Variants in C16orf74 observed in about 807,000 individuals in gnomAD.
C16orf74 encodes the protein uncharacterized protein C16orf74.
C16orf74 carries 10 observed loss-of-function variants against 6.5 expected under a neutral mutation model. That is an observed-to-expected ratio of 1.54 (90% CI 0.95 to 2.61). The LOEUF (loss-of-function observed/expected upper bound fraction) is 2.61, where lower values mean the gene tolerates loss of function less well. Ranked by LOEUF, C16orf74 falls within the 30% of genes most tolerant of loss-of-function variation. The pLI, the probability that C16orf74 is intolerant of heterozygous loss-of-function variation, is 0.00. For synonymous variants in C16orf74, 60 were observed against 42.5 expected (o/e 1.41, Z -1.60); for missense variants, 141 against 105.9 (o/e 1.33, Z -1.45).
intron 2 of C16orf74, among the ~76,000 whole-genome samples, chr16:85,724,678 A>G (rs2054115674): frequency 6.6e-6 from 1 of 152,102 alleles, no homozygotes; most frequent in South Asian, 2.1e-4. Context: ...GGGGATGACG[A>G]GGATAATGGG....
chr16:85,748,148 ATATATATATATGTG>A (rs1567815516), intron 1 of C16orf74, among the ~76,000 whole-genome samples: 37 of 72,614 alleles, frequency 5.1e-4, no homozygotes, highest in Non-Finnish European at 4.1e-4. Flanking sequence ...ATGTGTGTGT[ATATATATATATGTG>A]TATATATATA....
At chr16:85,749,009 G>A (rs1207962717) in intron 1 of C16orf74, among the ~76,000 whole-genome samples, 1 of 149,536 alleles carries the variant, frequency 6.7e-6, no homozygotes, top group Non-Finnish European at 1.5e-5. Context: ...TCAAACTCCT[G>A]GCCTCAGGTG....
At position 85,747,716 on chromosome 16, in the gene C16orf74, T is replaced by C. The variant is rs2054389501; in HGVS notation, c.-19+3210A>G. ...ATGGCCTCAGGAGACCCAGAGAATA[T>C]GTGCCCAAGGTAGTTGGTCTACAGC... On this transcript the variant is annotated intron_variant, in intron 1 of 3. Coordinates refer to ENST00000284245, the MANE Select transcript of C16orf74 (RefSeq NM_206967.3). Among the ~76,000 whole-genome samples, 3 of 152,210 alleles carry C rather than the reference T, an allele frequency of 2.0e-5. No homozygotes were observed. The South Asian group carries it at 6.2e-4, about 31-fold the overall frequency.
intron 2 of C16orf74, among the ~76,000 whole-genome samples, chr16:85,731,818 G>C (rs974429192): frequency 6.6e-6 from 1 of 152,156 alleles, no homozygotes; most frequent in Non-Finnish European, 1.5e-5. Flanking sequence ...CTCCCAAGTG[G>C]CTGGGACTGC....
chr16:85,746,921 C>T (rs568290718), intron 1 of C16orf74, among the ~76,000 whole-genome samples: 2 of 152,354 alleles, frequency 1.3e-5, no homozygotes, highest in African/African-American at 4.8e-5. Context: ...ATACTGCAAG[C>T]ATTCATGTGC....
intron 1 of C16orf74, among the ~76,000 whole-genome samples, chr16:85,740,696 A>C (rs1598806403): frequency 1.3e-3 from 1 of 788 alleles, no homozygotes; most frequent in Non-Finnish European, 3.5e-3. Flanking sequence ...TGTTTCAAAA[A>C]AAAAAAAAAA....
intron 3 of C16orf74, among the ~76,000 whole-genome samples, chr16:85,709,555 C>T (rs1262721149): frequency 6.6e-6 from 1 of 151,692 alleles, no homozygotes; most frequent in Non-Finnish European, 1.5e-5. Context: ...CAGCACCCGG[C>T]ATAGGCCCAG....
intron 2 of C16orf74, 91 bp from the exon 3 acceptor site, chr16:85,710,398 C>T: frequency 7.7e-7 from 1 of 1,297,254 alleles, no homozygotes; most frequent in Non-Finnish European, 1.0e-6. Flanking sequence ...GCCACCCTCC[C>T]TTCACTATCA....
At chr16:85,743,247 C>T in intron 1 of C16orf74, 1 of 152,190 alleles carries the variant, frequency 6.6e-6, no homozygotes, top group East Asian at 1.9e-4. Flanking sequence ...AGAAGCCATA[C>T]AGTTGTCTAA....
At chr16:85,719,008 T>C (rs2054052521) in intron 2 of C16orf74, among the ~76,000 whole-genome samples, 1 of 152,212 alleles carries the variant, frequency 6.6e-6, no homozygotes, top group Admixed American at 6.5e-5. Context: ...CCTTATTCTA[T>C]GGGAATGGCC....
At chr16:85,744,630 A>G (rs2054349831) in intron 1 of C16orf74, among the ~76,000 whole-genome samples, 1 of 152,000 alleles carries the variant, frequency 6.6e-6, no homozygotes, top group Non-Finnish European at 1.5e-5. Flanking sequence ...GGAGATCGAG[A>G]CCATCCTGGC....
In C16orf74 at chr16:85,707,846, G is replaced by C; in HGVS notation, c.*162C>G. On this transcript the variant is annotated 3_prime_UTR_variant, in exon 4 of 4. Coordinates refer to ENST00000284245, the MANE Select transcript of C16orf74 (RefSeq NM_206967.3). The stretch of plus-strand genomic sequence containing the variant: ...ACACTGTTCTGGAAGTGGACAGGCT[G>C]GATTCCTCGCTGGTCCTGCCACGTC... 1 of 627,346 alleles carries C rather than the reference G, an allele frequency of 1.6e-6. No individual in the cohort carries two copies. Among genetic ancestry groups the C allele is most frequent in the Non-Finnish European group, 2.8e-6 (1 of 355,862 alleles). 38.9% of individuals were successfully genotyped at this position (627,346 alleles called of 1,614,324 possible). A position where few individuals can be genotyped will look rare whatever the true frequency, so the allele number is the denominator to read the frequency against.
At chr16:85,718,794 G>A (rs996640110) in intron 2 of C16orf74, among the ~76,000 whole-genome samples, 6 of 152,240 alleles carry the variant, frequency 3.9e-5, no homozygotes, top group Non-Finnish European at 7.3e-5. Flanking sequence ...TCCACATCAC[G>A]TGATTTGAAC....
chr16:85,740,145 G>A (rs1247231875), intron 1 of C16orf74, among the ~76,000 whole-genome samples: 1 of 144,692 alleles, frequency 6.9e-6, no homozygotes, highest in African/African-American at 2.6e-5. Context: ...AGGAGGCAGA[G>A]GTTGTAGGGA....
At chr16:85,730,019 T>A (rs2054171878) in intron 2 of C16orf74, among the ~76,000 whole-genome samples, 1 of 152,016 alleles carries the variant, frequency 6.6e-6, no homozygotes, top group African/African-American at 2.4e-5. Context: ...GCCAGCCAAG[T>A]CGGGTGCCAT....
At chr16:85,738,360 T>A (rs1427198050) in intron 1 of C16orf74, among the ~76,000 whole-genome samples, 1 of 150,262 alleles carries the variant, frequency 6.7e-6, no homozygotes, top group African/African-American at 2.5e-5. Context: ...AGTCTCACTC[T>A]GTTGCCCAGG....
At chr16:85,727,843 A>G (rs1051630058) in intron 2 of C16orf74, among the ~76,000 whole-genome samples, 1 of 150,450 alleles carries the variant, frequency 6.6e-6, no homozygotes, top group Non-Finnish European at 1.5e-5. Context: ...ATATTAGTTA[A>G]TAAGAATGGA....
chr16:85,731,653 G>T (rs2054188980), intron 2 of C16orf74, among the ~76,000 whole-genome samples: 1 of 151,960 alleles, frequency 6.6e-6, no homozygotes, highest in African/African-American at 2.4e-5. Flanking sequence ...CTGTGAGTGG[G>T]AATCTGACAT....
At chr16:85,730,478 C>A (rs372250001) in intron 2 of C16orf74, among the ~76,000 whole-genome samples, 1 of 152,040 alleles carries the variant, frequency 6.6e-6, no homozygotes. Flanking sequence ...AGGAGGGCAG[C>A]AAACTAAATC....
Sources: allele counts gnomAD v4.1 joint callset (sites outside exome capture counted in the v4.1 genomes callset), GRCh38; gene constraint gnomAD v4.1.1; transcripts MANE v1.5; gene names NCBI Gene and HGNC (gene_info 2026-07-23, HGNC 2026-07-21).